The following DFFB variants were observed in gnomAD, a reference collection of about 807,000 sequenced individuals.
DFFB encodes the protein DNA fragmentation factor 40 kDa subunit.
In DFFB, 29 loss-of-function variants were observed where a neutral mutation model predicts 32.7. That is an observed-to-expected ratio of 0.89 (90% CI 0.66 to 1.21). The LOEUF is 1.21. Ranked by LOEUF, DFFB falls within the 50% of genes most tolerant of loss-of-function variation. The probability of loss-of-function intolerance (pLI) is 0.00; values close to 1 mark genes in which losing one functional copy is unlikely to be tolerated. For missense variants in DFFB, 398 were observed against 440.6 expected (o/e 0.90, Z 0.87); for synonymous variants, 170 against 177.1 (o/e 0.96, Z 0.32).
At chr1:3,877,398 G>T (rs183067269) in intron 6 of DFFB, among the ~76,000 whole-genome samples, 3 of 138,652 alleles carry the variant, frequency 2.2e-5, no homozygotes, top group Non-Finnish European at 3.0e-5. Flanking sequence ...GCATGATCTC[G>T]ACTCACTGCA....
intron 6 of DFFB, among the ~76,000 whole-genome samples, chr1:3,874,571 ACGC>A (rs1314566398): frequency 1.4e-4 from 12 of 85,796 alleles, no homozygotes; most frequent in Non-Finnish European, 1.1e-4. Flanking sequence ...GTGGCCTCCC[ACGC>A]TGTGGTCTGC....
chr1:3,866,273 C>G (rs1190789378), intron 3 of DFFB: 2 of 519,240 alleles, frequency 3.9e-6, no homozygotes, highest in Admixed American at 2.3e-5. Flanking sequence ...GAGTCTTGCT[C>G]TGTCCCCCAG....
rs571305118 is a variant in DFFB at position 3,873,007 on chromosome 1, C to G, written c.782+435C>G. On this transcript the variant is annotated intron_variant, in intron 6 of 6. Transcript: ENST00000378209. ...AGGGTGTTTTTCCCTTTTTCTTTTT[C>G]TTTTAGAGATGGAGTCTTGCTCTGT... is the stretch of plus-strand genomic sequence containing the variant. 1.2e-5 allele frequency: 15 copies of G among 1,271,524 alleles called. No individual in the cohort carries two copies. In the East Asian group the frequency reaches 7.8e-4, roughly 66 times the overall value. 78.8% of individuals were successfully genotyped at this position (1,271,524 alleles called of 1,614,324 possible).
At chr1:3,866,166 C>G (rs946076919) in intron 3 of DFFB, 166 bp downstream of exon 3, 1 of 708,488 alleles carries the variant, frequency 1.4e-6, no homozygotes, top group East Asian at 2.7e-5. Flanking sequence ...TTCCCAGCCT[C>G]GTGGGAAAGG....
chr1:3,858,867 G>T, intron 2 of DFFB, 23 bp downstream of exon 2: 1 of 1,611,494 alleles, frequency 6.2e-7, no homozygotes, highest in Non-Finnish European at 8.5e-7. Flanking sequence ...GACTTTGGAG[G>T]TGGGCGGGAA....
chr1:3,860,882 C>T (rs1446834073), intron 2 of DFFB, among the ~76,000 whole-genome samples: 7 of 152,170 alleles, frequency 4.6e-5, no homozygotes, highest in Admixed American at 2.0e-4. Context: ...GGGCCAGGTG[C>T]GGTGGCTTAC....
intron 6 of DFFB, among the ~76,000 whole-genome samples, chr1:3,879,203 G>T (rs1211446143): frequency 6.6e-6 from 1 of 152,164 alleles, no homozygotes; most frequent in African/African-American, 2.4e-5. Context: ...CTTGTGCTGA[G>T]GACACACTTT....
Position 3,857,480 on chromosome 1 carries a change from G to A in DFFB, c.-124G>A, listed in dbSNP as rs902768681. 1.7e-6 allele frequency: 1 copy of A among 593,674 alleles called. No individual in the cohort carries two copies. The allele number at this position is 593,674 out of a possible 1,614,324, so 36.8% of individuals were successfully genotyped here. On this transcript the variant is annotated 5_prime_UTR_variant, in exon 1 of 7. Coordinates refer to ENST00000378209, the MANE Select transcript of DFFB (RefSeq NM_004402.4). ...AATGTAGTTTCCGGGATCGGCACCC[G>A]GCCTGTGCCAGCTTGCAGAGCTCAC...
rs758244868 is a variant in DFFB, at chr1:3,883,541, G to C, written c.817G>C (p.Val273Leu). ...GAAACGCACCATCATTCCTACACTGGTGGAAGCAATTAAGGAACAAGATGG... is the reference window on the plus strand; with the variant it reads ...GAAACGCACCATCATTCCTACACTGCTGGAAGCAATTAAGGAACAAGATGG... ...EKKRTIIPTL[V>L]EAIKEQDGRE... The change falls in exon 7 of 7, where the codon GTG becomes CTG. Residue 273 changes from valine to leucine, a missense_variant. By Grantham distance (32) the Val-to-Leu change is conservative. Coordinates refer to ENST00000378209, the MANE Select transcript of DFFB (RefSeq NM_004402.4). The C allele has an allele frequency of 6.2e-7, 1 of 1,614,202 alleles. No individual in the cohort carries two copies. The highest frequency in any genetic ancestry group is 8.5e-7 in the Non-Finnish European group (1 of 1,180,036).
chr1:3,869,484 C>A, intron 4 of DFFB, 121 bp from the exon 5 acceptor site: 2 of 1,067,608 alleles, frequency 1.9e-6, no homozygotes, highest in Non-Finnish European at 2.7e-6. Context: ...CTCAGACCCT[C>A]TGACCACAGG....
At chr1:3,871,579 C>T (rs1003503099) in intron 5 of DFFB, among the ~76,000 whole-genome samples, 4 of 152,182 alleles carry the variant, frequency 2.6e-5, no homozygotes, top group African/African-American at 7.2e-5. Context: ...GAGTCACCAC[C>T]GTGCCCGGCC....
In DFFB at chr1:3,865,602, C is replaced by T. The variant is rs760729831; in HGVS notation, c.242-210C>T. ...GTCCTCTAAAGCACACCCTGCCCCTCCCTCCTCTGTCCTCATGCCGCCCTT... is the reference window on the plus strand; with the variant it reads ...GTCCTCTAAAGCACACCCTGCCCCTTCCTCCTCTGTCCTCATGCCGCCCTT... On this transcript the variant is annotated intron_variant, in intron 2 of 6. Coordinates refer to ENST00000378209, the MANE Select transcript of DFFB (RefSeq NM_004402.4). This position sits in a 1 kb window ranked among gnomAD's most constrained non-coding sequence, Gnocchi z 4.7. 1 of 722,898 alleles carries T rather than the reference C, an allele frequency of 1.4e-6. No individual in the cohort carries two copies. Among genetic ancestry groups the T allele is most frequent in the African/African-American group, 1.8e-5 (1 of 57,126 alleles). The allele number at this position is 722,898 out of a possible 1,614,324, so 44.8% of individuals were successfully genotyped here.
rs1037029602 is a variant in DFFB at position 3,876,631 on chromosome 1, T to C, written c.782+4059T>C. Reference sequence around the variant, plus strand: ...CTAATGAACAATGAAATAAAATGCATGCTGTCCCCCTACCTGGACTTACGT... The same window carrying C: ...CTAATGAACAATGAAATAAAATGCACGCTGTCCCCCTACCTGGACTTACGT... On this transcript the variant is annotated intron_variant, in intron 6 of 6. Coordinates refer to ENST00000378209, the MANE Select transcript of DFFB (RefSeq NM_004402.4). 5.3e-5 allele frequency among the ~76,000 whole-genome samples: 8 copies of C among 152,224 alleles called. No individual in the cohort carries two copies. The South Asian group carries it at 6.2e-4, about 12-fold the overall frequency.
intron 4 of DFFB, among the ~76,000 whole-genome samples, chr1:3,869,096 G>T (rs1188133266): frequency 6.6e-6 from 1 of 152,088 alleles, no homozygotes; most frequent in Non-Finnish European, 1.5e-5. Context: ...GTCTCACTCT[G>T]TTGCTCAGGC....
chr1:3,862,187 C>T (rs1053429642), intron 2 of DFFB, among the ~76,000 whole-genome samples: 1 of 152,126 alleles, frequency 6.6e-6, no homozygotes, highest in Non-Finnish European at 1.5e-5. Context: ...ATTCTGAAAA[C>T]TGCAAAATGT....
chr1:3,866,733 C>T (rs1644988223), intron 3 of DFFB, among the ~76,000 whole-genome samples: 1 of 152,120 alleles, frequency 6.6e-6, no homozygotes, highest in African/African-American at 2.4e-5. Context: ...CCCCTTCCCC[C>T]TCCGCCAGCC....
Position 3,883,657 on chromosome 1 carries a change from C to T in DFFB, c.933C>T (p.Thr311=). Reference sequence around the variant, plus strand: ...ACATTGTCTGCCATAAGAAAACCACCCACAAGCTCAACTGTGACCCAAGCA... The same window carrying T: ...ACATTGTCTGCCATAAGAAAACCACTCACAAGCTCAACTGTGACCCAAGCA... ...LVHIVCHKKT[T]HKLNCDPSRI... The change falls in exon 7 of 7, where the codon ACC becomes ACT. Residue 311 remains threonine (T), a synonymous_variant. Transcript: ENST00000378209. The T allele has an allele frequency of 6.2e-7, 1 of 1,614,056 alleles. No individual in the cohort carries two copies. The highest frequency in any genetic ancestry group is 8.5e-7 in the Non-Finnish European group (1 of 1,180,020).
intron 6 of DFFB, among the ~76,000 whole-genome samples, chr1:3,878,031 G>A (rs1041439837): frequency 2.6e-5 from 4 of 152,202 alleles, no homozygotes; most frequent in Admixed American, 6.5e-5. Context: ...ACCTCCTGCT[G>A]CAGGTGTTGT....
Position 3,878,431 on chromosome 1 carries a change from C to T in DFFB, c.783-5076C>T, listed in dbSNP as rs531146873. Reference sequence around the variant, plus strand: ...CCTCCCAAAGCGCTGGGGTTACAGGCGTGAGCCACCACGCTGAGCCCACTC... The same window carrying T: ...CCTCCCAAAGCGCTGGGGTTACAGGTGTGAGCCACCACGCTGAGCCCACTC... On this transcript the variant is annotated intron_variant, in intron 6 of 6. Transcript: ENST00000378209. 9.6e-4 allele frequency among the ~76,000 whole-genome samples: 146 copies of T among 152,320 alleles called. 1 individual carries two copies. The highest frequency in any genetic ancestry group is 3.2e-3 in the African/African-American group (135 of 41,584).
Sources: allele counts gnomAD v4.1 joint callset (sites outside exome capture counted in the v4.1 genomes callset), GRCh38; gene constraint gnomAD v4.1.1; non-coding constraint Gnocchi (gnomAD v3.1); transcripts MANE v1.5; gene names NCBI Gene and HGNC (gene_info 2026-07-23, HGNC 2026-07-21).